The following DLGAP2 variants were observed in gnomAD, a reference collection of about 807,000 sequenced individuals.
DLGAP2 encodes DLG associated protein 2.
A neutral mutation model predicts 100.3 loss-of-function variants in DLGAP2; 26 were observed. The observed-to-expected ratio is 0.26, with a 90% CI of 0.19 to 0.36. The LOEUF (loss-of-function observed/expected upper bound fraction) is 0.36. Ranked by LOEUF, DLGAP2 falls within the 10% of genes least tolerant of loss-of-function variation. DLGAP2 has a pLI of 1.00. For synonymous variants in DLGAP2, 886 were observed against 630.1 expected (o/e 1.41, Z -6.08); for missense variants, 1,858 against 1,453.2 (o/e 1.28, Z -4.53).
Position 1,350,456 on chromosome 8 carries a change from T to C in DLGAP2, c.106+91573T>C, listed in dbSNP as rs77956569. ...GTCCTGAGTGTGCGTGGAAAGGCCGTGCGGGTCCTGACTGTGCGTGGAAAG... is the reference window on the plus strand; with the variant it reads ...GTCCTGAGTGTGCGTGGAAAGGCCGCGCGGGTCCTGACTGTGCGTGGAAAG... On this transcript the variant is annotated intron_variant, in intron 3 of 14. Coordinates refer to ENST00000637795, the MANE Select transcript of DLGAP2 (RefSeq NM_001346810.2). Among the ~76,000 whole-genome samples, 88 of 76,942 alleles carry C rather than the reference T, an allele frequency of 1.1e-3. 1 individual carries two copies. Among genetic ancestry groups the C allele is most frequent in the African/African-American group, 3.1e-3 (54 of 17,310 alleles). 50.5% of individuals were successfully genotyped at this position (76,942 alleles called of 152,430 possible).
At chr8:1,523,542 G>A (rs1584888903) in intron 4 of DLGAP2, among the ~76,000 whole-genome samples, 2 of 152,202 alleles carry the variant, frequency 1.3e-5, no homozygotes, top group Admixed American at 6.5e-5. Context: ...GCCCCAGGCC[G>A]GCACCGCACA....
At position 1,265,919 on chromosome 8, in the gene DLGAP2, T is replaced by C. The variant is rs146171686; in HGVS notation, c.106+7036T>C. ...GCACATGGTAGGATGACTCAGGTATTTTTATAGATAAAATCATTGTTTAAT... is the reference window on the plus strand; with the variant it reads ...GCACATGGTAGGATGACTCAGGTATCTTTATAGATAAAATCATTGTTTAAT... On this transcript the variant is annotated intron_variant, in intron 3 of 14. Coordinates refer to ENST00000637795, the MANE Select transcript of DLGAP2 (RefSeq NM_001346810.2). Among the ~76,000 whole-genome samples, 1,496 of 152,282 alleles carry C rather than the reference T, an allele frequency of 9.8e-3. 12 individuals are homozygous for C. The highest frequency in any genetic ancestry group is 0.014 in the Non-Finnish European group (945 of 68,002).
intron 6 of DLGAP2, among the ~76,000 whole-genome samples, chr8:1,615,686 G>T (rs2130742819): frequency 6.6e-6 from 1 of 150,570 alleles, no homozygotes. Context: ...TCACCGGAAA[G>T]ATCTTTAAAC....
intron 3 of DLGAP2, among the ~76,000 whole-genome samples, chr8:1,499,189 G>A (rs1022467462): frequency 6.6e-6 from 1 of 152,252 alleles, no homozygotes; most frequent in Non-Finnish European, 1.5e-5. Context: ...TACCAAGCTT[G>A]TGCTCTGTGT....
chr8:1,697,301 T>C lies in DLGAP2; in HGVS notation c.2949+2T>C. 3 of 1,600,876 alleles carry C rather than the reference T, an allele frequency of 1.9e-6. No individual in the cohort carries two copies. The highest frequency in any genetic ancestry group is 2.6e-6 in the Non-Finnish European group (3 of 1,172,638). ...ATGATGGAGTCCCCGGAAAGAAAGG[T>C]AAGGGCATCCATGCAGGGCCGGCTC... On this transcript the variant is annotated splice_donor_variant, in intron 14 of 14. Coordinates refer to ENST00000637795, the MANE Select transcript of DLGAP2 (RefSeq NM_001346810.2). LOFTEE classifies it high-confidence loss of function.
intron 2 of DLGAP2, among the ~76,000 whole-genome samples, chr8:922,462 G>A (rs897190192): frequency 1.3e-5 from 2 of 152,162 alleles, no homozygotes; most frequent in Admixed American, 1.3e-4. Flanking sequence ...TTGAAAAGAA[G>A]ACTCTGCACT....
intron 2 of DLGAP2, among the ~76,000 whole-genome samples, chr8:1,139,375 G>T (rs1416896659): frequency 1.3e-5 from 2 of 152,246 alleles, no homozygotes; most frequent in Admixed American, 6.5e-5. Flanking sequence ...CCTTCTCACA[G>T]TTCTGCAGGC....
intron 1 of DLGAP2, among the ~76,000 whole-genome samples, chr8:810,760 T>A (rs1447853386): frequency 2.6e-5 from 4 of 152,234 alleles, no homozygotes; most frequent in Non-Finnish European, 5.9e-5. Context: ...CTTCATCTTA[T>A]CCTGTGGCTG....
intron 3 of DLGAP2, among the ~76,000 whole-genome samples, chr8:1,267,414 A>C (rs1333483615): frequency 1.3e-5 from 2 of 150,282 alleles, no homozygotes; most frequent in Admixed American, 6.6e-5. Context: ...GAAAATACAA[A>C]AATTAGCCAG....
intron 1 of DLGAP2, among the ~76,000 whole-genome samples, chr8:845,571 T>C (rs1460781139): frequency 6.6e-6 from 1 of 152,240 alleles, no homozygotes; most frequent in Non-Finnish European, 1.5e-5. Context: ...TTATCAGACG[T>C]ATGACCTGCA....
chr8:1,431,086 G>C lies in DLGAP2; in HGVS notation c.107-70280G>C, dbSNP rs569779240. 1.2e-4 allele frequency among the ~76,000 whole-genome samples: 18 copies of C among 152,282 alleles called. 1 individual carries two copies. Among genetic ancestry groups the C allele is most frequent in the African/African-American group, 4.3e-4 (18 of 41,562 alleles). ...AATGTGCCTGCAAACTGTAAAATGGGAAGCAAAGGCTACTACTATTATTTC... is the reference window on the plus strand; with the variant it reads ...AATGTGCCTGCAAACTGTAAAATGGCAAGCAAAGGCTACTACTATTATTTC... On this transcript the variant is annotated intron_variant, in intron 3 of 14. Coordinates refer to ENST00000637795, the MANE Select transcript of DLGAP2 (RefSeq NM_001346810.2).
chr8:834,250 G>A (rs1019570425), intron 1 of DLGAP2, among the ~76,000 whole-genome samples: 1 of 152,162 alleles, frequency 6.6e-6, no homozygotes, highest in African/African-American at 2.4e-5. Context: ...GACCCCATAC[G>A]CCCCTGCCCC....
rs1799445731 is a variant in DLGAP2 at position 950,289 on chromosome 8, T to C, written c.73+42323T>C. Among the ~76,000 whole-genome samples, 5 of 152,322 alleles carry C rather than the reference T, an allele frequency of 3.3e-5. No homozygotes were observed. In the South Asian group the frequency reaches 1.0e-3, roughly 32 times the overall value. ...GCATGGCCCATTTTGCTTTATTTGA[T>C]GATTGTGATACAATTTGACAGGGAC... On this transcript the variant is annotated intron_variant, in intron 2 of 14. Coordinates refer to ENST00000637795, the MANE Select transcript of DLGAP2 (RefSeq NM_001346810.2).
chr8:757,041 T>C (rs1033842168), intron 1 of DLGAP2, among the ~76,000 whole-genome samples: 1 of 152,206 alleles, frequency 6.6e-6, no homozygotes, highest in Non-Finnish European at 1.5e-5. Flanking sequence ...TCCCTGTTCG[T>C]GGCTCCCTGT....
Position 940,537 on chromosome 8 carries a change from G to A in DLGAP2, c.73+32571G>A, listed in dbSNP as rs78646255. On this transcript the variant is annotated intron_variant, in intron 2 of 14. Transcript: ENST00000637795. The stretch of plus-strand genomic sequence containing the variant: ...GAACATGCAGGAGCTGACCACATCC[G>A]TGTCCATGACATGCGGTCAGAGGCT... Among the ~76,000 whole-genome samples, 262 of 152,220 alleles carry A rather than the reference G, an allele frequency of 1.7e-3. 3 individuals are homozygous for A. The highest frequency in any genetic ancestry group is 6.2e-3 in the African/African-American group (257 of 41,534).
chr8:1,416,642 A>G (rs4347018), intron 3 of DLGAP2, among the ~76,000 whole-genome samples: 92,260 of 151,652 alleles, frequency 0.61, 28,657 homozygotes, highest in East Asian at 0.82. Context: ...AAATATCAAC[A>G]TGGAAACTCT....
chr8:951,657 A>G (rs1292178529), intron 2 of DLGAP2, among the ~76,000 whole-genome samples: 1 of 152,150 alleles, frequency 6.6e-6, no homozygotes, highest in Non-Finnish European at 1.5e-5. Flanking sequence ...AACTCAGAAG[A>G]TGTGTACTGC....
At chr8:1,452,147 C>T (rs185180687) in intron 3 of DLGAP2, among the ~76,000 whole-genome samples, 3 of 152,254 alleles carry the variant, frequency 2.0e-5, no homozygotes, top group African/African-American at 7.2e-5. Context: ...TGTCAAGACA[C>T]TGCCTCAGTT....
chr8:986,078 G>C (rs1254276863), intron 2 of DLGAP2, among the ~76,000 whole-genome samples: 1 of 152,092 alleles, frequency 6.6e-6, no homozygotes. Context: ...GGAAACTCTT[G>C]ATATCCACGT....
Sources: gnomAD v4.1 joint callset for allele counts (sites outside exome capture counted in the v4.1 genomes callset) on GRCh38, gnomAD v4.1.1 for gene constraint, MANE v1.5 for transcripts, NCBI Gene and HGNC (gene_info 2026-07-23, HGNC 2026-07-21) for gene names.